The following THSD4 variants were observed in gnomAD, a reference collection of about 807,000 sequenced individuals.
The protein encoded by THSD4 is thrombospondin type 1 domain containing 4.
In THSD4, 69 loss-of-function variants were observed where a neutral mutation model predicts 119.0. That is an observed-to-expected ratio of 0.58 (90% CI 0.48 to 0.71). The LOEUF (loss-of-function observed/expected upper bound fraction) is 0.71. Among genes scored for constraint, THSD4 ranks in the 30% least tolerant of loss-of-function variants. The pLI, the probability that THSD4 is intolerant of heterozygous loss-of-function variation, is 0.00. For synonymous variants in THSD4, 524 were observed against 540.4 expected, an observed-to-expected ratio of 0.97 and a Z score of 0.42; for missense variants, 1,393 against 1,391.1, an observed-to-expected ratio of 1.00 and a Z score of -0.02.
chr15:71,712,975 A>G (rs2052544575), intron 8 of THSD4, among the ~76,000 whole-genome samples: 1 of 152,208 alleles, frequency 6.6e-6, no homozygotes, highest in South Asian at 2.1e-4. Flanking sequence ...AAATTTTAAA[A>G]CATCAAGTTT....
chr15:71,409,939 C>A (rs2046662786), intron 6 of THSD4, among the ~76,000 whole-genome samples: 2 of 146,262 alleles, frequency 1.4e-5, no homozygotes, highest in South Asian at 4.4e-4. Flanking sequence ...TTGTCTGTTT[C>A]TTTTGGATAT....
intron 3 of THSD4, among the ~76,000 whole-genome samples, chr15:71,204,359 G>A (rs549281673): frequency 2.0e-5 from 3 of 152,242 alleles, no homozygotes; most frequent in East Asian, 1.9e-4. Flanking sequence ...AAATCCATCC[G>A]GGCCTCCTTT....
chr15:71,422,947 A>C (rs911526730), intron 7 of THSD4, among the ~76,000 whole-genome samples: 5 of 151,916 alleles, frequency 3.3e-5, no homozygotes, highest in Admixed American at 6.6e-5. Context: ...CAAGCAGAGG[A>C]GTCTGTCCCC....
At position 71,737,961 on chromosome 15, in the gene THSD4, C is replaced by T. The variant is rs769956305; in HGVS notation, c.1860C>T (p.Asn620=). Residue 620 remains asparagine, a synonymous_variant, in exon 11 of 18, where the codon AAC becomes AAT. Coordinates refer to ENST00000261862, the MANE Select transcript of THSD4 (RefSeq NM_024817.3). Reference sequence around the variant, plus strand: ...CCCCACGGCGCAGCCGGGATCACAACTGGAAGCAGCTTGGGACAACAGAAT... The same window carrying T: ...CCCCACGGCGCAGCCGGGATCACAATTGGAAGCAGCTTGGGACAACAGAAT... ...PQPPRRSRDH[N]WKQLGTTECS... The T allele has an allele frequency of 6.2e-7, 1 of 1,613,920 alleles. No individual in the cohort carries two copies. Among genetic ancestry groups the T allele is most frequent in the Non-Finnish European group, 8.5e-7 (1 of 1,179,842 alleles).
intron 6 of THSD4, among the ~76,000 whole-genome samples, chr15:71,385,254 C>T (rs1325106780): frequency 6.6e-6 from 1 of 152,168 alleles, no homozygotes; most frequent in Non-Finnish European, 1.5e-5. Context: ...AAAACTAACC[C>T]ATGACCTCCA....
At chr15:71,448,818 A>T (rs1413277224) in intron 7 of THSD4, among the ~76,000 whole-genome samples, 1 of 152,246 alleles carries the variant, frequency 6.6e-6, no homozygotes, top group Non-Finnish European at 1.5e-5. Context: ...GAAACCAGTC[A>T]CTGATAATAT....
Position 71,730,757 on chromosome 15 carries a change from G to C in THSD4, c.1534-364G>C, listed in dbSNP as rs182715500. ...TGTCACGCCACCTAGTGTTAAAACA[G>C]TTCTCCTGCAGTGTACACGTATTTA... On this transcript the variant is annotated intron_variant, in intron 9 of 17. Transcript: ENST00000261862. 5.2e-3 allele frequency: 989 copies of C among 190,284 alleles called. 3 individuals carry two copies. Among genetic ancestry groups the C allele is most frequent in the Non-Finnish European group, 7.5e-3 (667 of 88,958 alleles). 11.8% of individuals were successfully genotyped at this position (190,284 alleles called of 1,614,324 possible). A position where few individuals can be genotyped will look rare whatever the true frequency, so the allele number is the denominator to read the frequency against.
At chr15:71,406,348 T>C (rs193273217) in intron 6 of THSD4, among the ~76,000 whole-genome samples, 2 of 152,180 alleles carry the variant, frequency 1.3e-5, no homozygotes, top group Admixed American at 1.3e-4. Context: ...TTGGGAGGAG[T>C]ATTCTATAGC....
At chr15:71,694,402 A>G (rs2052119890) in intron 8 of THSD4, among the ~76,000 whole-genome samples, 2 of 152,232 alleles carry the variant, frequency 1.3e-5, no homozygotes, top group African/African-American at 4.8e-5. Context: ...TCTTTCAAGT[A>G]TGACTCTGGG....
chr15:71,372,699 C>T (rs569248074), intron 6 of THSD4, among the ~76,000 whole-genome samples: 27 of 152,372 alleles, frequency 1.8e-4, no homozygotes, highest in Admixed American at 4.6e-4. Context: ...CGGGGGGTGC[C>T]TCCCAGTTAG....
chr15:71,472,843 T>C (rs2047600758), intron 7 of THSD4, among the ~76,000 whole-genome samples: 1 of 152,066 alleles, frequency 6.6e-6, no homozygotes. Flanking sequence ...TTAGAAAAAC[T>C]CCCATGGGAA....
At chr15:71,445,817 T>C (rs1272933712) in intron 7 of THSD4, among the ~76,000 whole-genome samples, 2 of 152,242 alleles carry the variant, frequency 1.3e-5, no homozygotes, top group African/African-American at 4.8e-5. Flanking sequence ...AGAATTCAAA[T>C]GTTATCCATG....
chr15:71,307,046 CTT>C (rs1228360540), intron 6 of THSD4, among the ~76,000 whole-genome samples: 2 of 152,216 alleles, frequency 1.3e-5, no homozygotes, highest in Non-Finnish European at 2.9e-5. Flanking sequence ...AAGCCATACT[CTT>C]GGGGAAAACA....
At chr15:71,381,687 A>G (rs2046231003) in intron 6 of THSD4, among the ~76,000 whole-genome samples, 1 of 152,202 alleles carries the variant, frequency 6.6e-6, no homozygotes, top group South Asian at 2.1e-4. Flanking sequence ...TATAATCAGC[A>G]ATTGAAAAGA....
intron 7 of THSD4, among the ~76,000 whole-genome samples, chr15:71,519,345 T>C (rs190833360): frequency 3.9e-5 from 6 of 152,218 alleles, no homozygotes; most frequent in Non-Finnish European, 8.8e-5. Flanking sequence ...AAACGGTATA[T>C]GATCTGAATT....
chr15:71,278,511 A>T (rs1387692392), intron 6 of THSD4, among the ~76,000 whole-genome samples: 1 of 152,182 alleles, frequency 6.6e-6, no homozygotes, highest in Non-Finnish European at 1.5e-5. Flanking sequence ...GTTCAACAGA[A>T]GTTGCAACTC....
At chr15:71,455,966 CAG>C (rs373188044) in intron 7 of THSD4, among the ~76,000 whole-genome samples, 5 of 152,348 alleles carry the variant, frequency 3.3e-5, no homozygotes, top group African/African-American at 1.2e-4. Context: ...GTCCGAAAGT[CAG>C]GGGTCAAGCT....
chr15:71,720,479 T>A (rs895919143), intron 8 of THSD4, among the ~76,000 whole-genome samples: 1 of 152,224 alleles, frequency 6.6e-6, no homozygotes, highest in African/African-American at 2.4e-5. Flanking sequence ...CCCATGAATA[T>A]CTATATGATT....
chr15:71,394,605 A>G (rs754278407), intron 6 of THSD4, among the ~76,000 whole-genome samples: 1 of 152,176 alleles, frequency 6.6e-6, no homozygotes, highest in Non-Finnish European at 1.5e-5. Flanking sequence ...GCCGCAGAGC[A>G]TGTGCATAGG....
Sources: allele counts gnomAD v4.1 joint callset (sites outside exome capture counted in the v4.1 genomes callset), GRCh38; gene constraint gnomAD v4.1.1; transcripts MANE v1.5; gene names NCBI Gene and HGNC (gene_info 2026-07-23, HGNC 2026-07-21).